Variants in AGBL3 observed in about 807,000 individuals in gnomAD.
AGBL3 encodes the protein cytosolic carboxypeptidase 3.
In AGBL3, 68 loss-of-function variants were observed where a neutral mutation model predicts 94.5. That is an observed-to-expected ratio of 0.72 (90% CI 0.59 to 0.88). The LOEUF (loss-of-function observed/expected upper bound fraction) is 0.88. Among genes scored for constraint, AGBL3 ranks in the 40% least tolerant of loss-of-function variants. AGBL3 has a pLI of 0.00. For missense variants in AGBL3, 934 were observed against 1,103.8 expected (o/e 0.85, Z 2.18); for synonymous variants, 354 against 370.7 (o/e 0.95, Z 0.52).
chr7:135,131,309 G>A (rs1051998067), intron 16 of AGBL3, among the ~76,000 whole-genome samples: 2 of 152,034 alleles, frequency 1.3e-5, no homozygotes, highest in East Asian at 1.9e-4. Flanking sequence ...ACCAGGGCCT[G>A]TTGCGGGGTG....
intron 11 of AGBL3, among the ~76,000 whole-genome samples, chr7:135,052,645 G>C (rs1465310374): frequency 6.6e-6 from 1 of 151,582 alleles, no homozygotes; most frequent in East Asian, 1.9e-4. Context: ...CCTTAGTTTA[G>C]CTCCCACTTG....
intron 1 of AGBL3, 121 bp from the exon 2 acceptor site, chr7:134,987,754 A>C: frequency 1.9e-6 from 1 of 529,776 alleles, no homozygotes; most frequent in African/African-American, 2.0e-5. Flanking sequence ...GTTGTATTCT[A>C]ATTAGTTTTT....
At chr7:135,067,789 A>T (rs557874412) in intron 12 of AGBL3, among the ~76,000 whole-genome samples, 1 of 152,336 alleles carries the variant, frequency 6.6e-6, no homozygotes, top group Admixed American at 6.5e-5. Flanking sequence ...AAGATGGGGA[A>T]AAAACAGAGC....
chr7:135,097,072 G>A (rs1338132032), intron 15 of AGBL3, among the ~76,000 whole-genome samples: 1 of 152,124 alleles, frequency 6.6e-6, no homozygotes, highest in Non-Finnish European at 1.5e-5. Flanking sequence ...GAATTTGCTT[G>A]GGCATACCAC....
Position 135,126,813 on chromosome 7 carries a change from C to T in AGBL3, c.2343-8028C>T, listed in dbSNP as rs541426869. On this transcript the variant is annotated intron_variant, in intron 16 of 16. Transcript: ENST00000436302. ...AGTGATGCTGGGAAAACTGGCTAGCCATGTGCAGAAAACTGAAACTGGACC... is the reference window on the plus strand; with the variant it reads ...AGTGATGCTGGGAAAACTGGCTAGCTATGTGCAGAAAACTGAAACTGGACC... 2.6e-5 allele frequency among the ~76,000 whole-genome samples: 4 copies of T among 152,272 alleles called. No individual in the cohort carries two copies. The South Asian group carries it at 8.3e-4, about 32-fold the overall frequency.
chr7:135,027,350 T>C (rs1424764301), intron 5 of AGBL3, among the ~76,000 whole-genome samples: 1 of 151,742 alleles, frequency 6.6e-6, no homozygotes, highest in African/African-American at 2.4e-5. Flanking sequence ...CCTTTTATGG[T>C]CTATTTGAAA....
rs1197297257 is a variant in AGBL3 at position 135,034,530 on chromosome 7, C to A, written c.939C>A (p.Ile313=). 1 of 1,551,812 alleles carries A rather than the reference C, an allele frequency of 6.4e-7. No homozygotes were observed. Among genetic ancestry groups the A allele is most frequent in the Non-Finnish European group, 8.7e-7 (1 of 1,147,032 alleles). ...YTNLQEYLSG[I]NNDPVRSKFC... Reference sequence around the variant, plus strand: ...ACCTGCAAGAATACCTTTCTGGCATCAATAATGATCCAGTACGGTCAAAGT... The same window carrying A: ...ACCTGCAAGAATACCTTTCTGGCATAAATAATGATCCAGTACGGTCAAAGT... The change falls in exon 7 of 17, where the codon ATC becomes ATA. Residue 313 remains isoleucine (I), a synonymous_variant. Transcript: ENST00000436302.
chr7:135,094,335 A>G, intron 15 of AGBL3: 6 of 456,434 alleles, frequency 1.3e-5, no homozygotes, highest in South Asian at 7.8e-5. Context: ...CTGAAATCTG[A>G]AGAGACAGAC....
intron 12 of AGBL3, among the ~76,000 whole-genome samples, chr7:135,074,188 A>G (rs1391897094): frequency 6.6e-6 from 1 of 152,206 alleles, no homozygotes; most frequent in East Asian, 1.9e-4. Flanking sequence ...CCTTAAATAT[A>G]TACAATTTTT....
At chr7:135,102,801 TA>T (rs1377391271) in intron 15 of AGBL3, among the ~76,000 whole-genome samples, 1 of 152,082 alleles carries the variant, frequency 6.6e-6, no homozygotes, top group Non-Finnish European at 1.5e-5. Context: ...TCTAAATATC[TA>T]AGCTAAAATC....
intron 15 of AGBL3, among the ~76,000 whole-genome samples, chr7:135,097,637 C>T (rs764818329): frequency 1.9e-4 from 29 of 152,246 alleles, no homozygotes; most frequent in Admixed American, 7.8e-4. Context: ...TAGCCTGTGA[C>T]ATTGAGGCTT....
intron 5 of AGBL3, among the ~76,000 whole-genome samples, chr7:135,028,883 G>C (rs927127462): frequency 1.3e-5 from 2 of 152,080 alleles, no homozygotes; most frequent in African/African-American, 4.8e-5. Flanking sequence ...TGGTTGTTTC[G>C]TTAACAGGCA....
chr7:135,032,396 C>T (rs1343221234), intron 5 of AGBL3, among the ~76,000 whole-genome samples: 1 of 151,988 alleles, frequency 6.6e-6, no homozygotes, highest in Non-Finnish European at 1.5e-5. Flanking sequence ...CCTCTGCCTC[C>T]CAGGTTCAAG....
intron 9 of AGBL3, 71 bp from the exon 10 acceptor site, chr7:135,045,403 T>C: frequency 3.2e-6 from 4 of 1,251,768 alleles, no homozygotes; most frequent in Non-Finnish European, 4.6e-6. Context: ...GTTTATAGTG[T>C]TTTGCAATGT....
chr7:135,082,446 G>A (rs1178916986), intron 15 of AGBL3, among the ~76,000 whole-genome samples: 1 of 151,810 alleles, frequency 6.6e-6, no homozygotes, highest in Non-Finnish European at 1.5e-5. Context: ...CTTTTTTATT[G>A]CTATTCAAGC....
intron 12 of AGBL3, among the ~76,000 whole-genome samples, chr7:135,064,640 T>A (rs1217916269): frequency 6.6e-6 from 1 of 152,226 alleles, no homozygotes; most frequent in Non-Finnish European, 1.5e-5. Context: ...GACATGTTTA[T>A]AAGATTGAAA....
intron 12 of AGBL3, among the ~76,000 whole-genome samples, chr7:135,059,717 T>G (rs1818658957): frequency 1.3e-5 from 2 of 152,128 alleles, no homozygotes; most frequent in African/African-American, 4.8e-5. Flanking sequence ...ATGGGATAAG[T>G]GCCTAAAGAG....
intron 12 of AGBL3, among the ~76,000 whole-genome samples, chr7:135,061,927 G>C (rs1362537655): frequency 6.6e-6 from 1 of 152,006 alleles, no homozygotes; most frequent in Non-Finnish European, 1.5e-5. Context: ...AATCCCATTG[G>C]AATTTTGATA....
At chr7:135,011,278 T>A (rs1241160891) in intron 4 of AGBL3, 1 of 152,018 alleles carries the variant, frequency 6.6e-6, no homozygotes, top group Admixed American at 6.6e-5. Flanking sequence ...TTTAAATGGG[T>A]TATGGATATA....
Sources: allele counts gnomAD v4.1 joint callset (sites outside exome capture counted in the v4.1 genomes callset), GRCh38; gene constraint gnomAD v4.1.1; transcripts MANE v1.5; gene names NCBI Gene and HGNC (gene_info 2026-07-23, HGNC 2026-07-21).